The following PCDHGB1 variants were observed in gnomAD, a reference collection of about 807,000 sequenced individuals.
The protein encoded by PCDHGB1 is protocadherin gamma-B1.
In PCDHGB1, 34 loss-of-function variants were observed where a neutral mutation model predicts 56.6. The ratio of observed to expected loss-of-function variants is 0.60; its 90% confidence interval spans 0.46 to 0.80. PCDHGB1 has a LOEUF of 0.80. Ranked by LOEUF, PCDHGB1 falls within the 30% of genes least tolerant of loss-of-function variation. PCDHGB1 has a pLI of 0.00. For synonymous variants in PCDHGB1, 561 were observed against 505.9 expected (o/e 1.11, Z -1.46); for missense variants, 1,278 against 1,204.6 (o/e 1.06, Z -0.90).
intron 1 of PCDHGB1, chr5:141,356,697 A>C (rs1760310334): frequency 6.2e-7 from 1 of 1,613,888 alleles, no homozygotes; most frequent in Non-Finnish European, 8.5e-7. Context: ...TCCAGGGTGC[A>C]CCTCTGTCCT....
At chr5:141,469,543 C>G (rs1031152008) in intron 1 of PCDHGB1, among the ~76,000 whole-genome samples, 4 of 152,040 alleles carry the variant, frequency 2.6e-5, no homozygotes, top group Non-Finnish European at 4.4e-5. Flanking sequence ...CCACTGCACT[C>G]CAGCCTGGCG....
chr5:141,350,845 A>C lies in PCDHGB1; in HGVS notation c.585A>C (p.Lys195Asn), dbSNP rs1758572276. 6.2e-7 allele frequency: 1 copy of C among 1,613,468 alleles called. No homozygotes were observed. Among genetic ancestry groups the C allele is most frequent in the Non-Finnish European group, 8.5e-7 (1 of 1,179,758 alleles). Residue 195 changes from lysine (K) to asparagine (N), a missense_variant, in exon 1 of 4, where the codon AAA (lysine) becomes AAC (asparagine). Physicochemically the swap from Lys to Asn is moderately conservative, Grantham distance 94. Transcript: ENST00000523390. ...GSKYPVLLLE[K>N]PLDREHQSSH... ...AATATCCGGTATTACTGCTGGAAAA[A>C]CCTCTAGACAGGGAACATCAGAGCT...
rs966009387 is a variant in PCDHGB1, at chr5:141,511,564, G to A, written c.*391G>A. The A allele has an allele frequency of 3.0e-5, 9 of 295,900 alleles. No individual in the cohort carries two copies. The highest frequency in any genetic ancestry group is 4.6e-5 in the Non-Finnish European group (7 of 151,798). The allele number at this position is 295,900 out of a possible 1,614,324, so 18.3% of individuals were successfully genotyped here. A position where few individuals can be genotyped will look rare whatever the true frequency, so the allele number is the denominator to read the frequency against. ...CCCACTCCAACAGTTCCTCTTTCCC[G>A]AGTAAGGTGGTTGGGGTGTTGAAGT... On this transcript the variant is annotated 3_prime_UTR_variant, in exon 4 of 4. Transcript: ENST00000523390.
chr5:141,393,051 C>G, intron 1 of PCDHGB1: 1 of 1,613,622 alleles, frequency 6.2e-7, no homozygotes, highest in South Asian at 1.1e-5. Flanking sequence ...TCTGAACCCG[C>G]GCAGCGGCAG....
intron 1 of PCDHGB1, chr5:141,478,809 C>G: frequency 6.9e-7 from 1 of 1,453,454 alleles, no homozygotes; most frequent in Non-Finnish European, 9.0e-7. Flanking sequence ...CTTTTGCTAT[C>G]ACAACTAACC....
Position 141,431,877 on chromosome 5 carries a change from A to G in PCDHGB1, c.2410-62930A>G. On this transcript the variant is annotated intron_variant, in intron 1 of 3. Coordinates refer to ENST00000523390, the MANE Select transcript of PCDHGB1 (RefSeq NM_018922.3). The surrounding 1 kb of genome is among the most constrained non-coding windows in gnomAD (Gnocchi z 4.8). ...TTAATTGCCCTTTTAAATGTAAATG[A>G]CCAAGATTCTGAGGAAAACGGACAG... is the stretch of plus-strand genomic sequence containing the variant. 8 of 1,614,230 alleles carry G rather than the reference A, an allele frequency of 5.0e-6. No individual in the cohort carries two copies. Among genetic ancestry groups the G allele is most frequent in the Non-Finnish European group, 6.8e-6 (8 of 1,180,016 alleles).
At chr5:141,366,469 G>T (rs575828819) in intron 1 of PCDHGB1, 4 of 1,614,256 alleles carry the variant, frequency 2.5e-6, no homozygotes, top group Admixed American at 1.7e-5. Context: ...TGCTGCTGGT[G>T]CTCAGACTGA....
In PCDHGB1 at chr5:141,485,697, A is replaced by G. The variant is rs76923861; in HGVS notation, c.2410-9110A>G. 48,100 of 1,614,036 alleles carry G rather than the reference A, an allele frequency of 0.03. 1,433 individuals carry two copies. Among genetic ancestry groups the G allele is most frequent in the African/African-American group, 0.15 (11,542 of 75,006 alleles). The stretch of plus-strand genomic sequence containing the variant: ...ATTAGCAGCTATAGGCTGAGCTCCA[A>G]TGAACACTTTGCACTGGATGTGAAG... On this transcript the variant is annotated intron_variant, in intron 1 of 3. Transcript: ENST00000523390. The surrounding 1 kb of genome is among the most constrained non-coding windows in gnomAD (Gnocchi z 5.7).
At chr5:141,467,008 AT>A (rs1165146249) in intron 1 of PCDHGB1, among the ~76,000 whole-genome samples, 2 of 150,270 alleles carry the variant, frequency 1.3e-5, no homozygotes, top group Non-Finnish European at 3.0e-5. Context: ...TTGCAATGCA[AT>A]TTTTTTCCCT....
At chr5:141,356,452 T>C in intron 1 of PCDHGB1, 1 of 1,613,258 alleles carries the variant, frequency 6.2e-7, no homozygotes, top group Non-Finnish European at 8.5e-7. Flanking sequence ...AGTCTCAGAA[T>C]ATAACATCAC....
chr5:141,352,387 G>A lies in PCDHGB1; in HGVS notation c.2127G>A (p.Leu709=), dbSNP rs746278083. The A allele has an allele frequency of 1.3e-5, 21 of 1,613,926 alleles. No individual in the cohort carries two copies. Among genetic ancestry groups the A allele is most frequent in the Non-Finnish European group, 1.8e-5 (21 of 1,179,908 alleles). ...FLLAVILAIA[L]RLRRSSSLDT... ...TCGCGGTGATTCTAGCGATCGCCCT[G>A]CGCCTGCGACGTTCCTCCAGCCTCG... The change falls in exon 1 of 4, where the codon CTG becomes CTA. Residue 709 remains leucine, a synonymous_variant. Coordinates refer to ENST00000523390, the MANE Select transcript of PCDHGB1 (RefSeq NM_018922.3).
At chr5:141,466,450 G>T (rs139024933) in intron 1 of PCDHGB1, among the ~76,000 whole-genome samples, 1 of 152,172 alleles carries the variant, frequency 6.6e-6, no homozygotes, top group Non-Finnish European at 1.5e-5. Context: ...TGTCTATGGT[G>T]TTGGCTATTG....
intron 1 of PCDHGB1, among the ~76,000 whole-genome samples, chr5:141,445,011 T>C (rs970882082): frequency 1.3e-5 from 2 of 152,196 alleles, no homozygotes; most frequent in Non-Finnish European, 2.9e-5. Flanking sequence ...AATTAGGTCT[T>C]TAATTTCTCT....
chr5:141,476,016 G>A lies in PCDHGB1; in HGVS notation c.2410-18791G>A. 7.4e-7 allele frequency: 1 copy of A among 1,359,386 alleles called. No individual in the cohort carries two copies. 84.2% of individuals were successfully genotyped at this position (1,359,386 alleles called of 1,614,324 possible). A position where few individuals can be genotyped will look rare whatever the true frequency, so the allele number is the denominator to read the frequency against. On this transcript the variant is annotated intron_variant, in intron 1 of 3. Coordinates refer to ENST00000523390, the MANE Select transcript of PCDHGB1 (RefSeq NM_018922.3). This position sits in a 1 kb window ranked among gnomAD's most constrained non-coding sequence, Gnocchi z 7.6. ...TCAACGGCATCCAGAAAGCCATGTC[G>A]GACTCGGCGCCCAGCGCCCAAGCGC...
At chr5:141,375,448 A>G in intron 1 of PCDHGB1, 2 of 1,613,844 alleles carry the variant, frequency 1.2e-6, no homozygotes, top group South Asian at 1.1e-5. Flanking sequence ...TCCCCCATTC[A>G]TCCTACTCAG....
chr5:141,490,993 C>G lies in PCDHGB1; in HGVS notation c.2410-3814C>G, dbSNP rs746618787. 1.9e-6 allele frequency: 3 copies of G among 1,614,140 alleles called. No individual in the cohort carries two copies. Among genetic ancestry groups the G allele is most frequent in the Non-Finnish European group, 2.5e-6 (3 of 1,180,030 alleles). On this transcript the variant is annotated intron_variant, in intron 1 of 3. Coordinates refer to ENST00000523390, the MANE Select transcript of PCDHGB1 (RefSeq NM_018922.3). The surrounding 1 kb of genome is among the most constrained non-coding windows in gnomAD (Gnocchi z 5.4). ...CCAGCGTCTCCCTCGCTCTGCTCCT[C>G]CTGGCTCCTTGGTCACCAAGGTGAC...
intron 1 of PCDHGB1, chr5:141,424,630 A>G (rs1440031596): frequency 1.3e-5 from 2 of 152,366 alleles, no homozygotes; most frequent in East Asian, 3.9e-4. Flanking sequence ...TTGTGAATAT[A>G]TAAATAGATT....
chr5:141,408,527 G>T lies in PCDHGB1; in HGVS notation c.2409+55858G>T, dbSNP rs1239443007. ...AAGATGTGAGTTGCAATTGGAAGCT[G>T]TGGTGGAAAATCCTTTAAATATTTT... On this transcript the variant is annotated intron_variant, in intron 1 of 3. Coordinates refer to ENST00000523390, the MANE Select transcript of PCDHGB1 (RefSeq NM_018922.3). 2.5e-6 allele frequency: 4 copies of T among 1,613,954 alleles called. No homozygotes were observed. The African/African-American group carries it at 5.3e-5, about 22-fold the overall frequency.
At chr5:141,463,831 C>T (rs2099070299) in intron 1 of PCDHGB1, among the ~76,000 whole-genome samples, 1 of 152,174 alleles carries the variant, frequency 6.6e-6, no homozygotes, top group African/African-American at 2.4e-5. Flanking sequence ...TGATCCACTT[C>T]CCAGTTGTTA....
Sources: allele counts gnomAD v4.1 joint callset (sites outside exome capture counted in the v4.1 genomes callset), GRCh38; gene constraint gnomAD v4.1.1; non-coding constraint Gnocchi (gnomAD v3.1); transcripts MANE v1.5; gene names NCBI Gene and HGNC (gene_info 2026-07-23, HGNC 2026-07-21).